MRPL17: variants seen among roughly 807,000 people sequenced by gnomAD.
MRPL17 encodes the protein mitochondrial ribosomal protein L17.
A neutral mutation model predicts 12.0 loss-of-function variants in MRPL17; 8 were observed. That is an observed-to-expected ratio of 0.67 (90% confidence interval 0.39 to 1.21). MRPL17 has a LOEUF of 1.21. Among genes scored for constraint, MRPL17 ranks in the 50% most tolerant of loss-of-function variants. The pLI is 0.01. For missense variants in MRPL17, 263 were observed against 234.4 expected (o/e 1.12, Z -0.80); for synonymous variants, 107 against 92.9 (o/e 1.15, Z -0.87).
rs944798957 is a variant in MRPL17 at position 6,681,321 on chromosome 11, A to G, written c.*797T>C. ...CCCAGAGAGGCCAGATTTGACAACA[A>G]TAAAAACTTCCAGGAAATTCCTAGG... On this transcript the variant is annotated 3_prime_UTR_variant, in exon 3 of 3. Transcript: ENST00000288937. 1 of 152,184 alleles carries G rather than the reference A, an allele frequency of 6.6e-6. No individual in the cohort carries two copies. Among genetic ancestry groups the G allele is most frequent in the South Asian group, 2.1e-4 (1 of 4,824 alleles). The allele number at this position is 152,184 out of a possible 1,614,324, so 9.4% of individuals were successfully genotyped here.
chr11:6,683,080 C>G (rs2292197), intron 1 of MRPL17, 43 bp downstream of exon 1: 2 of 1,589,862 alleles, frequency 1.3e-6, no homozygotes, highest in Admixed American at 1.7e-5. Flanking sequence ...TCCGCCCCCT[C>G]AGACCAGACC....
Position 6,682,013 on chromosome 11 carries a change from T to A in MRPL17, c.*105A>T, listed in dbSNP as rs1447859993. On this transcript the variant is annotated 3_prime_UTR_variant, in exon 3 of 3. Transcript: ENST00000288937. ...AGAAGGTTCTCAACCCCATCAAGACTGTCCATTTTACATCTCTAGCTCCAG... is the reference window on the plus strand; with the variant it reads ...AGAAGGTTCTCAACCCCATCAAGACAGTCCATTTTACATCTCTAGCTCCAG... The A allele has an allele frequency of 9.2e-6, 13 of 1,409,554 alleles. No individual in the cohort carries two copies. Among genetic ancestry groups the A allele is most frequent in the Non-Finnish European group, 1.2e-5 (12 of 1,039,986 alleles). 87.3% of individuals were successfully genotyped at this position (1,409,554 alleles called of 1,614,324 possible). A position where few individuals can be genotyped will look rare whatever the true frequency, so the allele number is the denominator to read the frequency against.
Position 6,682,365 on chromosome 11 carries a change from G to A in MRPL17, c.281C>T (p.Ala94Val). 1 of 1,614,120 alleles carries A rather than the reference G, an allele frequency of 6.2e-7. No homozygotes were observed. The highest frequency in any genetic ancestry group is 1.3e-5 in the African/African-American group (1 of 75,038). ...CCCAGTTTGATCTTTGTACCGAGGGGCCAGTACTTGAAACAGCTTTGGGAT... is the reference window on the plus strand; with the variant it reads ...CCCAGTTTGATCTTTGTACCGAGGGACCAGTACTTGAAACAGCTTTGGGAT... ...DLIPKLFQVL[A>V]PRYKDQTGGY... Residue 94 changes from alanine to valine, a missense_variant, in exon 3 of 3, where the codon GCC (alanine) becomes GTC (valine). Transcript: ENST00000288937.
intron 1 of MRPL17, 85 bp downstream of exon 1, chr11:6,683,038 T>C (rs544015230): frequency 6.6e-7 from 1 of 1,517,138 alleles, no homozygotes; most frequent in East Asian, 2.3e-5. Context: ...GTTTACCAGG[T>C]TGGTCCCGGT....
chr11:6,682,681 C>T, intron 2 of MRPL17, 66 bp downstream of exon 2: 2 of 1,516,006 alleles, frequency 1.3e-6, no homozygotes, highest in Non-Finnish European at 1.8e-6. Flanking sequence ...CATAGTTCTC[C>T]TTTTTCCAAC....
Position 6,682,335 on chromosome 11 carries a change from T to A in MRPL17, c.311A>T (p.Tyr104Phe). Residue 104 changes from tyrosine to phenylalanine, a missense_variant, in exon 3 of 3, where the codon TAC becomes TTC. Coordinates refer to ENST00000288937, the MANE Select transcript of MRPL17 (RefSeq NM_022061.4). ...ATTTGGGATCTGCAGCATTCTTGTG[T>A]AGCCCCCAGTTTGATCTTTGTACCG... The part of the protein sequence containing the change: ...APRYKDQTGG[Y>F]TRMLQIPNRS... The A allele has an allele frequency of 1.2e-6, 2 of 1,614,228 alleles. No individual in the cohort carries two copies. Among genetic ancestry groups the A allele is most frequent in the Non-Finnish European group, 1.7e-6 (2 of 1,180,036 alleles).
chr11:6,682,827 T>A lies in MRPL17; in HGVS notation c.175-12A>T, dbSNP rs777446740. The A allele has an allele frequency of 4.3e-5, 69 of 1,609,538 alleles. No individual in the cohort carries two copies. In the East Asian group the frequency reaches 1.5e-3, roughly 35 times the overall value. On this transcript the variant is annotated splice_polypyrimidine_tract_variant and intron_variant, in intron 1 of 2. Coordinates refer to ENST00000288937, the MANE Select transcript of MRPL17 (RefSeq NM_022061.4). ...CCATAGTCGATGAGCTGTGAGGACA[T>A]AACATCACGGATCCAACCGAGCAAG...
At position 6,682,312 on chromosome 11, in the gene MRPL17, T is replaced by C. The variant is rs775278012; in HGVS notation, c.334A>G (p.Asn112Asp). ...GGYTRMLQIP[N>D]RSLDRAKMAV... ...ATCTTGGCCCGATCCAAACTCCGAT[T>C]TGGGATCTGCAGCATTCTTGTGTAG... is the stretch of plus-strand genomic sequence containing the variant. Residue 112 changes from asparagine (N) to aspartate (D), a missense_variant, in exon 3 of 3, where the codon AAT (asparagine) becomes GAT (aspartate). Coordinates refer to ENST00000288937, the MANE Select transcript of MRPL17 (RefSeq NM_022061.4). 2 of 1,614,210 alleles carry C rather than the reference T, an allele frequency of 1.2e-6. No individual in the cohort carries two copies. Among genetic ancestry groups the C allele is most frequent in the South Asian group, 2.2e-5 (2 of 91,090 alleles).
rs11824783 is a variant in MRPL17 at position 6,681,710 on chromosome 11, C to T, written c.*408G>A. Reference sequence around the variant, plus strand: ...ATCCCAAGCACTCATCTCTAGGAGACCAGATGTCAAAACACAACCACCTCT... The same window carrying T: ...ATCCCAAGCACTCATCTCTAGGAGATCAGATGTCAAAACACAACCACCTCT... On this transcript the variant is annotated 3_prime_UTR_variant, in exon 3 of 3. Coordinates refer to ENST00000288937, the MANE Select transcript of MRPL17 (RefSeq NM_022061.4). 16,100 of 152,472 alleles carry T rather than the reference C, an allele frequency of 0.11. 2,920 individuals carry two copies. The highest frequency in any genetic ancestry group is 0.37 in the African/African-American group (15,235 of 41,470). The allele number at this position is 152,472 out of a possible 1,614,324, so 9.4% of individuals were successfully genotyped here.
chr11:6,682,434 G>C lies in MRPL17; in HGVS notation c.244-32C>G, dbSNP rs1379129017. On this transcript the variant is annotated intron_variant, in intron 2 of 2. Transcript: ENST00000288937. ...GGAGAATTATCCAAGAGACAGCAGA[G>C]TCAGGCAAAACTGCAGAGGCATTTA... 3.1e-6 allele frequency: 5 copies of C among 1,600,452 alleles called. No homozygotes were observed. The African/African-American group carries it at 6.7e-5, about 21-fold the overall frequency.
In MRPL17 at chr11:6,683,215, G is replaced by T; in HGVS notation, c.82C>A (p.Leu28Met). Reference sequence around the variant, plus strand: ...AGCCCTGTGAGCAAGTTCCGCAACAGATGGATGCGGGACTCGGGACCGAGG... The same window carrying T: ...AGCCCTGTGAGCAAGTTCCGCAACATATGGATGCGGGACTCGGGACCGAGG... ...MGLGPESRIH[L>M]LRNLLTGLVR... The change falls in exon 1 of 3, where the codon CTG becomes ATG. Residue 28 changes from leucine (L) to methionine (M), a missense_variant. Physicochemically the swap from Leu to Met is conservative, Grantham distance 15 (BLOSUM62 2). Coordinates refer to ENST00000288937, the MANE Select transcript of MRPL17 (RefSeq NM_022061.4). The T allele has an allele frequency of 1.2e-6, 2 of 1,614,188 alleles. No homozygotes were observed. Among genetic ancestry groups the T allele is most frequent in the African/African-American group, 1.3e-5 (1 of 75,084 alleles).
At chr11:6,682,484 G>A (rs1846577071) in intron 2 of MRPL17, 82 bp from the exon 3 acceptor site, 3 of 1,486,522 alleles carry the variant, frequency 2.0e-6, no homozygotes, top group Non-Finnish European at 2.8e-6. Context: ...CCAAAGGTAA[G>A]GTCCATCCAC....
chr11:6,682,041 C>G lies in MRPL17; in HGVS notation c.*77G>C. ...CCATTTTACATCTCTAGCTCCAGTT[C>G]TTCTCAGAGAGTAAAAGTGCTCCAA... On this transcript the variant is annotated 3_prime_UTR_variant, in exon 3 of 3. Transcript: ENST00000288937. 6.6e-7 allele frequency: 1 copy of G among 1,510,782 alleles called. No homozygotes were observed. The allele number at this position is 1,510,782 out of a possible 1,614,324, so 93.6% of individuals were successfully genotyped here. A position where few individuals can be genotyped will look rare whatever the true frequency, so the allele number is the denominator to read the frequency against.
Position 6,682,767 on chromosome 11 carries a change from TGCGCATG to T in MRPL17, c.216_222del (p.Met73TrpfsTer11). 1 of 1,614,182 alleles carries T rather than the reference TGCGCATG, an allele frequency of 6.2e-7. No individual in the cohort carries two copies. Among genetic ancestry groups the T allele is most frequent in the Non-Finnish European group, 8.5e-7 (1 of 1,180,024 alleles). The stretch of plus-strand genomic sequence containing the variant: ...CTCACTGTGAGCCAGAAGTCAGCCA[TGCGCATG>T]GCTCGTTCGTTAGTGTCTCCCAGCT... On this transcript the variant is annotated frameshift_variant, in exon 2 of 3. Transcript: ENST00000288937. LOFTEE classifies it high-confidence loss of function.
Position 6,682,355 on chromosome 11 carries a change from G to C in MRPL17, c.291C>G (p.Tyr97Ter), listed in dbSNP as rs1158732310. 2 of 1,614,028 alleles carry C rather than the reference G, an allele frequency of 1.2e-6. No homozygotes were observed. Among genetic ancestry groups the C allele is most frequent in the African/African-American group, 1.3e-5 (1 of 74,902 alleles). ...PKLFQVLAPR[Y>*]KDQTGGYTRM... ...TTGTGTAGCCCCCAGTTTGATCTTT[G>C]TACCGAGGGGCCAGTACTTGAAACA... The change falls in exon 3 of 3, where the codon TAC (tyrosine) becomes TAG (stop). Residue 97 changes from tyrosine (Y) to a stop codon, truncating the protein, a stop_gained. Coordinates refer to ENST00000288937, the MANE Select transcript of MRPL17 (RefSeq NM_022061.4). LOFTEE classifies it high-confidence loss of function.
chr11:6,682,498 T>A (rs773188898), intron 2 of MRPL17, 96 bp from the exon 3 acceptor site: 1 of 1,376,064 alleles, frequency 7.3e-7, no homozygotes, highest in Non-Finnish European at 1.0e-6. Flanking sequence ...CATCCACACA[T>A]AGAAAGACCT....
rs925407926 is a variant in MRPL17, at chr11:6,682,201, G to A, written c.445C>T (p.Leu149=). 1 of 1,614,204 alleles carries A rather than the reference G, an allele frequency of 6.2e-7. No individual in the cohort carries two copies. The highest frequency in any genetic ancestry group is 1.3e-5 in the African/African-American group (1 of 75,050). Residue 149 remains leucine (L), a synonymous_variant, in exon 3 of 3, where the codon CTG becomes TTG. Coordinates refer to ENST00000288937, the MANE Select transcript of MRPL17 (RefSeq NM_022061.4). ...DSHLTLLNQL[L]QGLRQDLRQS... is the part of the protein sequence containing the mutation. ...CTGAGGTCCTGCCGCAAACCCTGCA[G>A]CAGCTGGTTTAGGAGTGTAAGGTGG...
At chr11:6,682,694 C>T (rs1846579899) in intron 2 of MRPL17, 53 bp downstream of exon 2, 1 of 1,565,332 alleles carries the variant, frequency 6.4e-7, no homozygotes, top group Non-Finnish European at 8.8e-7. Flanking sequence ...TTTCCAACCC[C>T]CACCCCCAGG....
rs757726674 is a variant in MRPL17, at chr11:6,682,411, A to G, written c.244-9T>C. 6.2e-7 allele frequency: 1 copy of G among 1,611,084 alleles called. No homozygotes were observed. On this transcript the variant is annotated splice_polypyrimidine_tract_variant and intron_variant, in intron 2 of 2. Coordinates refer to ENST00000288937, the MANE Select transcript of MRPL17 (RefSeq NM_022061.4). ...GGGATCAAATCCTTCTCCTAGAGGG[A>G]GAATTATCCAAGAGACAGCAGAGTC...
Sources: allele counts gnomAD v4.1 joint callset, GRCh38; gene constraint gnomAD v4.1.1; transcripts MANE v1.5; gene names NCBI Gene and HGNC (gene_info 2026-07-23, HGNC 2026-07-21).